UHMK1: variants seen among roughly 807,000 people sequenced by gnomAD.
UHMK1 encodes serine/threonine-protein kinase Kist.
UHMK1 carries 18 observed loss-of-function variants against 44.0 expected under a neutral mutation model. That is an observed-to-expected ratio of 0.41 (90% CI 0.28 to 0.61). The LOEUF (loss-of-function observed/expected upper bound fraction) is 0.61, where lower values mean the gene tolerates loss of function less well. Among genes scored for constraint, UHMK1 ranks in the 20% least tolerant of loss-of-function variants. The probability of loss-of-function intolerance (pLI) is 0.31; values close to 1 mark genes in which losing one functional copy is unlikely to be tolerated. For synonymous variants in UHMK1, 231 were observed against 198.5 expected, an observed-to-expected ratio of 1.16 and a Z score of -1.38; for missense variants, 463 against 522.5, an observed-to-expected ratio of 0.89 and a Z score of 1.11.
intron 6 of UHMK1, 110 bp from the exon 7 acceptor site, chr1:162,517,992 C>T: frequency 1.5e-6 from 1 of 660,812 alleles, no homozygotes; most frequent in Non-Finnish European, 2.7e-6. Flanking sequence ...CATAAAATGA[C>T]CTCATTACTA....
intron 7 of UHMK1, among the ~76,000 whole-genome samples, chr1:162,520,060 C>G (rs1651998581): frequency 6.6e-6 from 1 of 152,172 alleles, no homozygotes; most frequent in Non-Finnish European, 1.5e-5. Flanking sequence ...GCCACCACAC[C>G]TGGCTAATTT....
chr1:162,515,125 A>C (rs541017169), intron 6 of UHMK1, among the ~76,000 whole-genome samples: 32 of 150,078 alleles, frequency 2.1e-4, no homozygotes, highest in African/African-American at 7.6e-4. Flanking sequence ...ATGTCCTCTT[A>C]ATATTTAAAA....
rs765014203 is a variant in UHMK1, at chr1:162,501,073, T to G, written c.722T>G (p.Leu241Arg). ...ILLEMFSGMKLKHTVRSQEWK... is the reference protein window; with the variant it reads ...ILLEMFSGMKRKHTVRSQEWK... Reference sequence around the variant, plus strand: ...CTGGAAATGTTCTCAGGAATGAAACTGAAACATACAGTCAGATCTCAGGAA... The same window carrying G: ...CTGGAAATGTTCTCAGGAATGAAACGGAAACATACAGTCAGATCTCAGGAA... The change falls in exon 3 of 8, where the codon CTG becomes CGG. Residue 241 changes from leucine to arginine, a missense_variant. This residue lies in a region of UHMK1 where 264 missense variants were observed against 326.3 expected (regional missense o/e 0.81). Coordinates refer to ENST00000489294, the MANE Select transcript of UHMK1 (RefSeq NM_175866.5). 4.3e-6 allele frequency: 7 copies of G among 1,614,104 alleles called. No homozygotes were observed. The highest frequency in any genetic ancestry group is 5.9e-6 in the Non-Finnish European group (7 of 1,180,014).
intron 6 of UHMK1, among the ~76,000 whole-genome samples, chr1:162,513,415 C>T (rs1188385948): frequency 6.6e-6 from 1 of 152,166 alleles, no homozygotes; most frequent in African/African-American, 2.4e-5. Context: ...AACATTCATT[C>T]ATTTAAGACA....
chr1:162,510,010 G>C (rs1166861507), intron 4 of UHMK1, among the ~76,000 whole-genome samples: 2 of 151,588 alleles, frequency 1.3e-5, no homozygotes, highest in African/African-American at 4.9e-5. Flanking sequence ...AGGAAATAAT[G>C]GTCTTTTTAT....
rs887822604 is a variant in UHMK1, at chr1:162,524,996, G to A, written c.*2446G>A. 7.2e-5 allele frequency: 11 copies of A among 152,202 alleles called. No individual in the cohort carries two copies. Among genetic ancestry groups the A allele is most frequent in the Admixed American group, 2.6e-4 (4 of 15,282 alleles). 9.4% of individuals were successfully genotyped at this position (152,202 alleles called of 1,614,324 possible). A position where few individuals can be genotyped will look rare whatever the true frequency, so the allele number is the denominator to read the frequency against. ...TGCAACCTCTGCCTCGCAGGTTTGA[G>A]CGATTCTCCTGTCTCAGCCTCCCCA... On this transcript the variant is annotated 3_prime_UTR_variant, in exon 8 of 8. Transcript: ENST00000489294.
rs117152443 is a variant in UHMK1, at chr1:162,505,218, G to T, written c.848+1370G>T. ...ACACCTTAGCCTAGACCTACACAGG[G>T]TCAGGATCATCAATATCATTGTCTT... On this transcript the variant is annotated intron_variant, in intron 4 of 7. Coordinates refer to ENST00000489294, the MANE Select transcript of UHMK1 (RefSeq NM_175866.5). Among the ~76,000 whole-genome samples the T allele has an allele frequency of 4.6e-3, 699 of 152,212 alleles. 20 individuals are homozygous for T. Among genetic ancestry groups the T allele is most frequent in the East Asian group, 0.041 (214 of 5,178 alleles).
chr1:162,519,189 G>T (rs1297632988), intron 7 of UHMK1, among the ~76,000 whole-genome samples: 2 of 151,926 alleles, frequency 1.3e-5, no homozygotes, highest in African/African-American at 4.8e-5. Context: ...GTGGTGGCAG[G>T]TGCCTATAGT....
chr1:162,510,481 G>A (rs567342842), intron 4 of UHMK1, among the ~76,000 whole-genome samples: 9 of 152,068 alleles, frequency 5.9e-5, no homozygotes, highest in Non-Finnish European at 1.0e-4. Context: ...TGCTGTATTT[G>A]TCTTTCTGGA....
chr1:162,527,002 T>G lies in UHMK1; in HGVS notation c.*4452T>G, dbSNP rs904326797. 1 of 152,150 alleles carries G rather than the reference T, an allele frequency of 6.6e-6. No homozygotes were observed. Among genetic ancestry groups the G allele is most frequent in the African/African-American group, 2.4e-5 (1 of 41,454 alleles). 9.4% of individuals were successfully genotyped at this position (152,150 alleles called of 1,614,324 possible). A position where few individuals can be genotyped will look rare whatever the true frequency, so the allele number is the denominator to read the frequency against. ...ACCTTTATTTTGAGATGGTAGTTTT[T>G]CAAGTTAGTATTACTTACTAGCTTT... On this transcript the variant is annotated 3_prime_UTR_variant, in exon 8 of 8. Transcript: ENST00000489294.
intron 3 of UHMK1, among the ~76,000 whole-genome samples, chr1:162,503,338 G>A (rs1404886507): frequency 6.6e-6 from 1 of 151,846 alleles, no homozygotes; most frequent in African/African-American, 2.4e-5. Context: ...TGCTGGGCAC[G>A]ATGGCTCACA....
rs1196561342 is a variant in UHMK1 at position 162,523,990 on chromosome 1, T to C, written c.*1440T>C. The C allele has an allele frequency of 1.3e-5, 2 of 152,164 alleles. No individual in the cohort carries two copies. Among genetic ancestry groups the C allele is most frequent in the East Asian group, 1.9e-4 (1 of 5,200 alleles). 9.4% of individuals were successfully genotyped at this position (152,164 alleles called of 1,614,324 possible). A position where few individuals can be genotyped will look rare whatever the true frequency, so the allele number is the denominator to read the frequency against. ...GAATTATAATTATGGATTCTTCTTA[T>C]TTCATGGTAGGTTGTCTTTAAAGAT... is the stretch of plus-strand genomic sequence containing the variant. On this transcript the variant is annotated 3_prime_UTR_variant, in exon 8 of 8. Transcript: ENST00000489294.
At chr1:162,508,414 T>G (rs1651552477) in intron 4 of UHMK1, among the ~76,000 whole-genome samples, 1 of 150,192 alleles carries the variant, frequency 6.7e-6, no homozygotes, top group African/African-American at 2.4e-5. Context: ...GCCTGGCCAT[T>G]TAGCTCATTT....
chr1:162,507,312 G>A (rs1219715811), intron 4 of UHMK1, among the ~76,000 whole-genome samples: 1 of 151,766 alleles, frequency 6.6e-6, no homozygotes, highest in Non-Finnish European at 1.5e-5. Flanking sequence ...TAGAGACAGG[G>A]TTTCACCATA....
In UHMK1 at chr1:162,507,587, T is replaced by TC. The variant is rs1160691898; in HGVS notation, c.848+3739_848+3740insC. Among the ~76,000 whole-genome samples, 16 of 147,408 alleles carry TC rather than the reference T, an allele frequency of 1.1e-4. 1 individual carries two copies. Among genetic ancestry groups the TC allele is most frequent in the Non-Finnish European group, 1.8e-4 (12 of 66,140 alleles). On this transcript the variant is annotated intron_variant, in intron 4 of 7. Coordinates refer to ENST00000489294, the MANE Select transcript of UHMK1 (RefSeq NM_175866.5). ...CACCCCCAACCCATTCTTTCTTTTTTTTTTTCTTTTTTTTTGTGATACGGA... is the reference window on the plus strand; with the variant it reads ...CACCCCCAACCCATTCTTTCTTTTTTCTTTTTCTTTTTTTTTGTGATACGGA...
At chr1:162,511,004 T>A (rs574989777) in intron 4 of UHMK1, among the ~76,000 whole-genome samples, 1 of 152,208 alleles carries the variant, frequency 6.6e-6, no homozygotes, top group Non-Finnish European at 1.5e-5. Context: ...AGGTGATACC[T>A]CATTGTGGTT....
chr1:162,512,659 C>A (rs1365485432), intron 5 of UHMK1, 66 bp from the exon 6 acceptor site: 1 of 1,602,988 alleles, frequency 6.2e-7, no homozygotes, highest in East Asian at 2.2e-5. Context: ...TCACAAGTTC[C>A]TTTATCTGGT....
chr1:162,523,090 C>G lies in UHMK1; in HGVS notation c.*540C>G, dbSNP rs1400189799. ...TTTTTCTTAAAGCAGTACTGTAGTA[C>G]TGAATATTCCTTTAAAGGAACTGCA... On this transcript the variant is annotated 3_prime_UTR_variant, in exon 8 of 8. Coordinates refer to ENST00000489294, the MANE Select transcript of UHMK1 (RefSeq NM_175866.5). 1 of 152,768 alleles carries G rather than the reference C, an allele frequency of 6.5e-6. No homozygotes were observed. The highest frequency in any genetic ancestry group is 1.5e-5 in the Non-Finnish European group (1 of 68,212). 9.5% of individuals were successfully genotyped at this position (152,768 alleles called of 1,614,324 possible).
At position 162,500,094 on chromosome 1, in the gene UHMK1, G is replaced by A. The variant is rs374875061; in HGVS notation, c.408G>A (p.Gln136=). ...AGGGTTGTTCCATGTGGATGATACA[G>A]CATTGTGCCCGAGATGTTTTGGAGG... ...SHQGCSMWMI[Q]HCARDVLEAL... is the part of the protein sequence containing the mutation. Residue 136 remains glutamine (Q), a synonymous_variant, in exon 2 of 8, where the codon CAG becomes CAA. Transcript: ENST00000489294. The A allele has an allele frequency of 3.5e-5, 57 of 1,614,154 alleles. No homozygotes were observed. In the East Asian group the frequency reaches 6.5e-4, roughly 18 times the overall value.
Sources: gnomAD v4.1 joint callset for allele counts (sites outside exome capture counted in the v4.1 genomes callset) on GRCh38, gnomAD v4.1.1 for gene constraint, gnomAD v4.1.1 regional missense constraint, MANE v1.5 for transcripts, NCBI Gene and HGNC (gene_info 2026-07-23, HGNC 2026-07-21) for gene names.